XKR6: variants seen among roughly 807,000 people sequenced by gnomAD.
The protein encoded by XKR6 is XK related 6.
A neutral mutation model predicts 56.7 loss-of-function variants in XKR6; 22 were observed. That is an observed-to-expected ratio of 0.39 (90% confidence interval 0.28 to 0.55). XKR6 has a LOEUF of 0.55. Among genes scored for constraint, XKR6 ranks in the 20% least tolerant of loss-of-function variants. XKR6 has a pLI of 0.66. For missense variants in XKR6, 852 were observed against 889.0 expected (o/e 0.96, Z 0.53); for synonymous variants, 524 against 387.8 (o/e 1.35, Z -4.13).
intron 1 of XKR6, among the ~76,000 whole-genome samples, chr8:11,060,789 C>T (rs542619279): frequency 1.3e-5 from 2 of 152,340 alleles, no homozygotes; most frequent in East Asian, 3.9e-4. Context: ...CTGCACTGGG[C>T]TCTGTGGATG....
intron 1 of XKR6, among the ~76,000 whole-genome samples, chr8:10,948,606 C>T (rs1322023639): frequency 6.6e-6 from 1 of 152,174 alleles, no homozygotes; most frequent in Non-Finnish European, 1.5e-5. Flanking sequence ...AGGACATGGT[C>T]TATCCTTGCA....
intron 1 of XKR6, among the ~76,000 whole-genome samples, chr8:10,956,452 TC>T (rs1396769898): frequency 1.3e-5 from 2 of 152,126 alleles, no homozygotes; most frequent in African/African-American, 4.8e-5. Context: ...TTAGAGAGGT[TC>T]CCCAAGAAGG....
At chr8:11,032,762 C>T (rs898516980) in intron 1 of XKR6, among the ~76,000 whole-genome samples, 7 of 152,150 alleles carry the variant, frequency 4.6e-5, no homozygotes, top group African/African-American at 1.7e-4. Flanking sequence ...CCCTCCAAGC[C>T]CTGCCTCCTG....
intron 1 of XKR6, among the ~76,000 whole-genome samples, chr8:10,942,480 G>A (rs1300562332): frequency 1.3e-5 from 2 of 152,214 alleles, no homozygotes; most frequent in Non-Finnish European, 2.9e-5. Context: ...CCTGCTCCCA[G>A]GACTGCCTGC....
At chr8:11,152,837 T>C (rs987233751) in intron 1 of XKR6, among the ~76,000 whole-genome samples, 1 of 152,170 alleles carries the variant, frequency 6.6e-6, no homozygotes, top group East Asian at 1.9e-4. Flanking sequence ...TTCTGAATGA[T>C]GAGAAGTTTC....
intron 2 of XKR6, among the ~76,000 whole-genome samples, chr8:10,900,716 G>A (rs150493976): frequency 6.6e-6 from 1 of 152,204 alleles, no homozygotes; most frequent in Non-Finnish European, 1.5e-5. Flanking sequence ...CATCTCATGT[G>A]TGTCTGCAGT....
chr8:11,196,501 T>G (rs1803899066), intron 1 of XKR6, among the ~76,000 whole-genome samples: 1 of 152,118 alleles, frequency 6.6e-6, no homozygotes, highest in Non-Finnish European at 1.5e-5. Flanking sequence ...TACCCTTGAG[T>G]ACACCTGAGG....
chr8:11,011,530 C>G (rs918709240), intron 1 of XKR6, among the ~76,000 whole-genome samples: 1 of 152,162 alleles, frequency 6.6e-6, no homozygotes, highest in Admixed American at 6.5e-5. Flanking sequence ...CACGTCTATT[C>G]CAGACACTAA....
intron 1 of XKR6, chr8:11,002,567 C>T (rs932782798): frequency 4.9e-6 from 1 of 202,356 alleles, no homozygotes; most frequent in Non-Finnish European, 1.1e-5. Context: ...CTGGGCGGGG[C>T]TTTGCCATCT....
At chr8:10,959,771 A>T (rs945494269) in intron 1 of XKR6, among the ~76,000 whole-genome samples, 2 of 152,212 alleles carry the variant, frequency 1.3e-5, no homozygotes, top group African/African-American at 4.8e-5. Context: ...ATTGGAAAAG[A>T]CAGAGGAACA....
chr8:10,963,916 A>G (rs1450581971), intron 1 of XKR6, among the ~76,000 whole-genome samples: 1 of 152,210 alleles, frequency 6.6e-6, no homozygotes, highest in African/African-American at 2.4e-5. Flanking sequence ...TTCAAATCCC[A>G]GCTCACAGCT....
intron 1 of XKR6, among the ~76,000 whole-genome samples, chr8:10,975,736 C>T (rs1031482182): frequency 4.6e-5 from 7 of 152,210 alleles, no homozygotes; most frequent in African/African-American, 7.2e-5. Flanking sequence ...CAGCTCAGCC[C>T]AGCTGACCGC....
rs749861943 is a variant in XKR6, at chr8:11,201,370, G to C, written c.-31C>G. The C allele has an allele frequency of 1.7e-5, 25 of 1,454,758 alleles. No homozygotes were observed. Among genetic ancestry groups the C allele is most frequent in the Admixed American group, 2.3e-5 (1 of 44,140 alleles). The allele number at this position is 1,454,758 out of a possible 1,614,324, so 90.1% of individuals were successfully genotyped here. A position where few individuals can be genotyped will look rare whatever the true frequency, so the allele number is the denominator to read the frequency against. ...CTCTCTTCCCAGCTCCGGAGGTTGG[G>C]GGGGAGGGACGGCGGGGGGGGGGGG... On this transcript the variant is annotated 5_prime_UTR_variant, in exon 1 of 3. Transcript: ENST00000416569.
intron 1 of XKR6, among the ~76,000 whole-genome samples, chr8:10,928,073 G>A (rs566230342): frequency 2.5e-4 from 38 of 152,262 alleles, no homozygotes; most frequent in South Asian, 2.3e-3. Context: ...GTACACAACC[G>A]AGGGGTACTG....
At chr8:11,019,083 T>TA (rs1431302103) in intron 1 of XKR6, among the ~76,000 whole-genome samples, 1 of 152,148 alleles carries the variant, frequency 6.6e-6, no homozygotes, top group Non-Finnish European at 1.5e-5. Flanking sequence ...GGAGTCCTGT[T>TA]AGAGAATAGA....
At chr8:11,137,981 A>C in intron 1 of XKR6, 1 of 314,704 alleles carries the variant, frequency 3.2e-6, no homozygotes, top group South Asian at 2.7e-5. Flanking sequence ...TGCCCTGATG[A>C]AGCCGTCAGC....
At position 10,898,222 on chromosome 8, in the gene XKR6, C is replaced by T; in HGVS notation, c.1656G>A (p.Glu552=). 1 of 1,614,168 alleles carries T rather than the reference C, an allele frequency of 6.2e-7. No individual in the cohort carries two copies. Among genetic ancestry groups the T allele is most frequent in the Non-Finnish European group, 8.5e-7 (1 of 1,180,030 alleles). The change falls in exon 3 of 3, where the codon GAG becomes GAA. Residue 552 remains glutamate, a synonymous_variant. Coordinates refer to ENST00000416569, the MANE Select transcript of XKR6 (RefSeq NM_173683.4). The surrounding 1 kb of genome is among the most constrained non-coding windows in gnomAD (Gnocchi z 6.6). ...TPTRAVTEQQ[E]DLTADTCLPV... ...GCAAGCAAGTGTCAGCCGTGAGATC[C>T]TCCTGTTGTTCCGTTACGGCTCTGG...
intron 1 of XKR6, among the ~76,000 whole-genome samples, chr8:11,190,063 A>G (rs1488557193): frequency 6.6e-6 from 1 of 152,172 alleles, no homozygotes; most frequent in East Asian, 1.9e-4. Context: ...AGGCTGAGGC[A>G]GAAGAATCAC....
chr8:10,941,227 C>G (rs1487182624), intron 1 of XKR6, among the ~76,000 whole-genome samples: 1 of 152,200 alleles, frequency 6.6e-6, no homozygotes, highest in Non-Finnish European at 1.5e-5. Context: ...CCTGTGCCCC[C>G]CTCCCCAGGC....
Sources: allele counts gnomAD v4.1 joint callset (sites outside exome capture counted in the v4.1 genomes callset), GRCh38; gene constraint gnomAD v4.1.1; non-coding constraint Gnocchi (gnomAD v3.1); transcripts MANE v1.5; gene names NCBI Gene and HGNC (gene_info 2026-07-23, HGNC 2026-07-21).